MICAL3: variants seen among roughly 807,000 people sequenced by gnomAD.
MICAL3 encodes the protein [F-actin]-monooxygenase MICAL3.
Under a neutral mutation model 207.4 loss-of-function variants are expected in MICAL3, and 62 were observed. The ratio of observed to expected loss-of-function variants is 0.30; its 90% confidence interval spans 0.24 to 0.37. The LOEUF (loss-of-function observed/expected upper bound fraction) is 0.37. Among genes scored for constraint, MICAL3 ranks in the 10% least tolerant of loss-of-function variants. MICAL3 has a pLI of 1.00. For missense variants in MICAL3, 2,368 were observed against 2,635.6 expected, an observed-to-expected ratio of 0.90 and a Z score of 2.22; for synonymous variants, 1,077 against 1,069.3, an observed-to-expected ratio of 1.01 and a Z score of -0.14.
At chr22:17,850,702 G>T (rs997716921) in intron 19 of MICAL3, among the ~76,000 whole-genome samples, 12 of 152,038 alleles carry the variant, frequency 7.9e-5, no homozygotes, top group Admixed American at 7.9e-4. Flanking sequence ...ATGAGCCACC[G>T]TGCCTGGCCG....
chr22:18,013,964 T>C (rs1451378262), intron 1 of MICAL3, among the ~76,000 whole-genome samples: 1 of 151,838 alleles, frequency 6.6e-6, no homozygotes, highest in East Asian at 1.9e-4. Context: ...CCACACCTAA[T>C]TTTTAAAGTT....
At chr22:17,931,993 A>G (rs1933288569) in intron 1 of MICAL3, among the ~76,000 whole-genome samples, 1 of 152,208 alleles carries the variant, frequency 6.6e-6, no homozygotes, top group Non-Finnish European at 1.5e-5. Context: ...CGTCTAGTGG[A>G]AAATACAGAC....
chr22:18,003,002 AAAAC>A (rs1923141330), intron 1 of MICAL3, among the ~76,000 whole-genome samples: 1 of 152,094 alleles, frequency 6.6e-6, no homozygotes, highest in South Asian at 2.1e-4. Flanking sequence ...TAAAGATACA[AAAAC>A]AAAATTAGCT....
chr22:17,801,031 G>A (rs963317398), intron 29 of MICAL3, among the ~76,000 whole-genome samples: 3 of 152,252 alleles, frequency 2.0e-5, no homozygotes, highest in East Asian at 1.9e-4. Flanking sequence ...TTGAATTTAC[G>A]CAGCATAATG....
At position 17,860,939 on chromosome 22, in the gene MICAL3, G is replaced by T. The variant is rs970728133; in HGVS notation, c.2605+3960C>A. ...AATTATTATAATTACTATAATTTAGGGTGCAACATATAAATAAATATCTAC... is the reference window on the plus strand; with the variant it reads ...AATTATTATAATTACTATAATTTAGTGTGCAACATATAAATAAATATCTAC... On this transcript the variant is annotated intron_variant, in intron 19 of 31. Transcript: ENST00000441493. 15 of 984,464 alleles carry T rather than the reference G, an allele frequency of 1.5e-5. No individual in the cohort carries two copies. The African/African-American group carries it at 2.6e-4, about 17-fold the overall frequency. The allele number at this position is 984,464 out of a possible 1,614,324, so 61.0% of individuals were successfully genotyped here.
Position 17,885,921 on chromosome 22 carries a change from A to C in MICAL3, c.2198T>G (p.Phe733Cys). 1.2e-6 allele frequency: 2 copies of C among 1,613,970 alleles called. No homozygotes were observed. The highest frequency in any genetic ancestry group is 1.7e-6 in the Non-Finnish European group (2 of 1,179,888). ...GGACTGTGCGGGCGCATTCTCTTCA[A>C]ATTTGGCCAGCAGCTGGGTCGCCAT... is the stretch of plus-strand genomic sequence containing the variant. ...KYMATQLLAK[F>C]EENAPAQSIG... The change falls in exon 16 of 32, where the codon TTT becomes TGT. Residue 733 changes from phenylalanine (F) to cysteine (C), a missense_variant. This residue lies in a region of MICAL3 where 1,770 missense variants were observed against 1,863.2 expected (regional missense o/e 0.95). Transcript: ENST00000441493.
intron 1 of MICAL3, among the ~76,000 whole-genome samples, chr22:17,938,820 C>T (rs931575437): frequency 7.3e-5 from 11 of 151,252 alleles, no homozygotes; most frequent in South Asian, 2.1e-4. Context: ...CTGGGTAACA[C>T]GTGGTGAAGG....
Position 17,999,072 on chromosome 22 carries a change from C to T in MICAL3, c.-75+25209G>A, listed in dbSNP as rs77302381. On this transcript the variant is annotated intron_variant, in intron 1 of 31. Coordinates refer to ENST00000441493, the MANE Select transcript of MICAL3 (RefSeq NM_015241.3). Reference sequence around the variant, plus strand: ...TAGCACTCTGCCAATGGTCAGGCTTCGACCATCTGGGCCACTTCCCAGAAG... The same window carrying T: ...TAGCACTCTGCCAATGGTCAGGCTTTGACCATCTGGGCCACTTCCCAGAAG... Among the ~76,000 whole-genome samples, 1,105 of 152,276 alleles carry T rather than the reference C, an allele frequency of 7.3e-3. 15 individuals carry two copies. Among genetic ancestry groups the T allele is most frequent in the African/African-American group, 0.026 (1,060 of 41,544 alleles).
At position 17,796,837 on chromosome 22, in the gene MICAL3, T is replaced by A. The variant is rs138532623; in HGVS notation, c.5651-5536A>T. Among the ~76,000 whole-genome samples the A allele has an allele frequency of 7.1e-3, 1,083 of 152,276 alleles. 19 individuals carry two copies. The highest frequency in any genetic ancestry group is 0.025 in the African/African-American group (1,022 of 41,546). On this transcript the variant is annotated intron_variant, in intron 29 of 31. Transcript: ENST00000441493. The surrounding 1 kb of genome is among the most constrained non-coding windows in gnomAD (Gnocchi z 4.4). ...ACCCCCTACACTACCACCTGGCCCT[T>A]GGCGCACCCGAGCACCTCACTCCAG...
chr22:17,795,104 T>C (rs2061861442), intron 29 of MICAL3, among the ~76,000 whole-genome samples: 2 of 152,236 alleles, frequency 1.3e-5, no homozygotes, highest in Admixed American at 6.5e-5. Flanking sequence ...CTGAATCTGC[T>C]ATTGGGTACA....
intron 1 of MICAL3, among the ~76,000 whole-genome samples, chr22:17,985,036 G>A (rs1488036100): frequency 6.6e-6 from 1 of 152,212 alleles, no homozygotes; most frequent in Non-Finnish European, 1.5e-5. Context: ...CGGAGGGAAG[G>A]AGACACACTG....
chr22:17,999,946 G>T (rs1922742881), intron 1 of MICAL3, among the ~76,000 whole-genome samples: 1 of 152,192 alleles, frequency 6.6e-6, no homozygotes, highest in Non-Finnish European at 1.5e-5. Flanking sequence ...AGTACATCTG[G>T]CAATCAAATA....
chr22:17,798,752 C>A (rs984051047), intron 29 of MICAL3, among the ~76,000 whole-genome samples: 13 of 149,444 alleles, frequency 8.7e-5, no homozygotes, highest in African/African-American at 3.2e-4. Context: ...CGGCTCACTG[C>A]AAGCTCCGCC....
chr22:17,876,814 AGGTTAGG>A (rs1928487719), intron 16 of MICAL3: 1 of 93,232 alleles, frequency 1.1e-5, no homozygotes, highest in African/African-American at 3.8e-5. Context: ...GAGGTTAGGG[AGGTTAGG>A]GAGGTTATGG....
chr22:17,912,169 C>A (rs996852469), intron 1 of MICAL3, among the ~76,000 whole-genome samples: 1 of 152,114 alleles, frequency 6.6e-6, no homozygotes. Context: ...TGTTTCTGGG[C>A]CCTCTATTGT....
At chr22:17,982,192 A>G (rs781063017) in intron 1 of MICAL3, among the ~76,000 whole-genome samples, 1 of 152,158 alleles carries the variant, frequency 6.6e-6, no homozygotes, top group Non-Finnish European at 1.5e-5. Flanking sequence ...CATTCAGTAC[A>G]CGAAAGGTGG....
At chr22:18,003,860 C>G (rs1292772809) in intron 1 of MICAL3, among the ~76,000 whole-genome samples, 2 of 152,112 alleles carry the variant, frequency 1.3e-5, no homozygotes, top group African/African-American at 4.8e-5. Flanking sequence ...ACCTCCGCCT[C>G]CCGGGTTCAA....
rs138856467 is a variant in MICAL3 at position 17,866,020 on chromosome 22, C to G, written c.2429-8G>C. 3 of 1,603,192 alleles carry G rather than the reference C, an allele frequency of 1.9e-6. No individual in the cohort carries two copies. Among genetic ancestry groups the G allele is most frequent in the South Asian group, 2.2e-5 (2 of 90,872 alleles). On this transcript the variant is annotated splice_polypyrimidine_tract_variant and splice_region_variant and intron_variant, in intron 17 of 31. Coordinates refer to ENST00000441493, the MANE Select transcript of MICAL3 (RefSeq NM_015241.3). Reference sequence around the variant, plus strand: ...GCTTACAGTAGAATTTACCTGCAGACAGCAAGAGGCAGGGACAGAGGCGAT... The same window carrying G: ...GCTTACAGTAGAATTTACCTGCAGAGAGCAAGAGGCAGGGACAGAGGCGAT...
intron 1 of MICAL3, among the ~76,000 whole-genome samples, chr22:18,007,978 C>T (rs570378693): frequency 1.2e-4 from 18 of 150,190 alleles, no homozygotes; most frequent in African/African-American, 2.7e-4. Flanking sequence ...CGGTGGTTCC[C>T]GCCTGTAATC....
Sources: gnomAD v4.1 joint callset for allele counts (sites outside exome capture counted in the v4.1 genomes callset) on GRCh38, gnomAD v4.1.1 for gene constraint, gnomAD v4.1.1 regional missense constraint, Gnocchi (gnomAD v3.1) non-coding constraint, MANE v1.5 for transcripts, NCBI Gene and HGNC (gene_info 2026-07-23, HGNC 2026-07-21) for gene names.